Variants in SLC6A2 observed in about 807,000 individuals in gnomAD.
SLC6A2 encodes solute carrier family 6 member 2.
In SLC6A2, 26 loss-of-function variants were observed where a neutral mutation model predicts 71.7. That is an observed-to-expected ratio of 0.36 (90% CI 0.27 to 0.50). The LOEUF is 0.50. Among genes scored for constraint, SLC6A2 ranks in the 20% least tolerant of loss-of-function variants. SLC6A2 has a pLI of 0.96. For missense variants in SLC6A2, 581 were observed against 803.9 expected, an observed-to-expected ratio of 0.72 and a Z score of 3.35; for synonymous variants, 363 against 337.9, an observed-to-expected ratio of 1.07 and a Z score of -0.82.
In SLC6A2 at chr16:55,705,094, T is replaced by C. The variant is rs6499773; in HGVS notation, c.*2748T>C. 6.0e-6 allele frequency: 5 copies of C among 831,274 alleles called. No homozygotes were observed. The highest frequency in any genetic ancestry group is 1.7e-5 in the African/African-American group (1 of 59,288). The allele number at this position is 831,274 out of a possible 1,614,324, so 51.5% of individuals were successfully genotyped here. On this transcript the variant is annotated 3_prime_UTR_variant, in exon 15 of 15. Coordinates refer to ENST00000568943, the MANE Select transcript of SLC6A2 (RefSeq NM_001172501.3). ...ATATGACACTTGACGCTTTTGATAT[T>C]TTTTCAGGTTTTTAAAGAATTATTA...
chr16:55,666,669 C>A (rs1964758800), intron 2 of SLC6A2, among the ~76,000 whole-genome samples: 1 of 152,216 alleles, frequency 6.6e-6, no homozygotes. Context: ...CATCTTCCCT[C>A]CTTTTCTCAT....
At chr16:55,678,295 A>G (rs2142535988) in intron 4 of SLC6A2, among the ~76,000 whole-genome samples, 1 of 149,680 alleles carries the variant, frequency 6.7e-6, no homozygotes, top group East Asian at 2.0e-4. Flanking sequence ...CAGCACTGTC[A>G]TCAGCTGCCT....
At chr16:55,658,113 T>C (rs1426545245) in intron 2 of SLC6A2, among the ~76,000 whole-genome samples, 1 of 152,208 alleles carries the variant, frequency 6.6e-6, no homozygotes, top group Middle Eastern at 3.4e-3. Flanking sequence ...TGGAGCTGGG[T>C]AGAGGGAAAG....
intron 2 of SLC6A2, among the ~76,000 whole-genome samples, chr16:55,661,969 T>C (rs71393091): frequency 0.11 from 16,910 of 151,908 alleles, 1,027 homozygotes; most frequent in Non-Finnish European, 0.12. Context: ...ATATCTGGCC[T>C]GGCTGCAGGG....
intron 4 of SLC6A2, 93 bp from the exon 5 acceptor site, chr16:55,685,050 A>G: frequency 8.1e-7 from 1 of 1,237,972 alleles, no homozygotes; most frequent in South Asian, 1.2e-5. Context: ...TGTCTCCATC[A>G]GCATGCATTT....
chr16:55,672,527 T>A (rs1179967298), intron 4 of SLC6A2, among the ~76,000 whole-genome samples: 1 of 152,090 alleles, frequency 6.6e-6, no homozygotes, highest in Admixed American at 6.5e-5. Flanking sequence ...GAAAAATCAA[T>A]CATGGAGGGA....
intron 5 of SLC6A2, among the ~76,000 whole-genome samples, chr16:55,687,370 T>C (rs1211005965): frequency 1.3e-5 from 2 of 152,204 alleles, no homozygotes; most frequent in East Asian, 3.9e-4. Context: ...AAGTGTGAGA[T>C]GCTGCATTAG....
At chr16:55,667,876 C>T (rs1412746327) in intron 2 of SLC6A2, among the ~76,000 whole-genome samples, 1 of 152,174 alleles carries the variant, frequency 6.6e-6, no homozygotes, top group Non-Finnish European at 1.5e-5. Flanking sequence ...CCAGGCAGAC[C>T]TGGACCCAAA....
In SLC6A2 at chr16:55,685,033, C is replaced by T. The variant is rs1381632562; in HGVS notation, c.645-110C>T. ...GGTCCCTGAGTTAGGGGAGAGTGGC[C>T]AGGTCCTGTCTCCATCAGCATGCAT... On this transcript the variant is annotated intron_variant, in intron 4 of 14. Transcript: ENST00000568943. The T allele has an allele frequency of 1.1e-5, 12 of 1,077,966 alleles. No individual in the cohort carries two copies. In the Admixed American group the frequency reaches 1.9e-4, roughly 17 times the overall value. 66.8% of individuals were successfully genotyped at this position (1,077,966 alleles called of 1,614,324 possible).
intron 8 of SLC6A2, among the ~76,000 whole-genome samples, 170 bp downstream of exon 8, chr16:55,695,572 C>T (rs1419934124): frequency 1.3e-5 from 2 of 152,186 alleles, no homozygotes; most frequent in African/African-American, 4.8e-5. Context: ...GTGGGCATTC[C>T]AGGCAGTCAC....
At chr16:55,657,598 G>T (rs28515627) in intron 2 of SLC6A2, among the ~76,000 whole-genome samples, 1,539 of 152,294 alleles carry the variant, frequency 0.01, 27 homozygotes, top group African/African-American at 0.035. Flanking sequence ...GTGGAATCAG[G>T]CCAGTAGGTG....
intron 2 of SLC6A2, among the ~76,000 whole-genome samples, chr16:55,665,896 C>T (rs1048245307): frequency 1.3e-5 from 2 of 152,200 alleles, no homozygotes; most frequent in Admixed American, 1.3e-4. Flanking sequence ...TAATGCTTTT[C>T]TTACTAAATT....
chr16:55,676,456 C>G (rs1288609092), intron 4 of SLC6A2, among the ~76,000 whole-genome samples: 1 of 152,216 alleles, frequency 6.6e-6, no homozygotes, highest in Admixed American at 6.5e-5. Context: ...ACAACTATTA[C>G]TGCACAGAGC....
At chr16:55,697,364 A>G (rs1965831225) in intron 9 of SLC6A2, among the ~76,000 whole-genome samples, 1 of 152,194 alleles carries the variant, frequency 6.6e-6, no homozygotes, top group Non-Finnish European at 1.5e-5. Flanking sequence ...ATAAGGAAGC[A>G]ATCTGCCCAT....
At chr16:55,700,339 G>A (rs1398133446) in intron 13 of SLC6A2, 33 bp downstream of exon 13, 2 of 1,592,046 alleles carry the variant, frequency 1.3e-6, no homozygotes, top group Admixed American at 1.7e-5. Flanking sequence ...GGAACAGGGT[G>A]GGAGGGGGCT....
chr16:55,703,367 A>T lies in SLC6A2; in HGVS notation c.*1021A>T, dbSNP rs1389019012. On this transcript the variant is annotated 3_prime_UTR_variant, in exon 15 of 15. Coordinates refer to ENST00000568943, the MANE Select transcript of SLC6A2 (RefSeq NM_001172501.3). The stretch of plus-strand genomic sequence containing the variant: ...ACACCTGCACAGCCTCCCTCTGGGG[A>T]TCCCACCTGGAGTGGACCAGGGGTC... 69 of 985,274 alleles carry T rather than the reference A, an allele frequency of 7.0e-5. No homozygotes were observed. The highest frequency in any genetic ancestry group is 8.0e-5 in the Non-Finnish European group (66 of 829,938). 61.0% of individuals were successfully genotyped at this position (985,274 alleles called of 1,614,324 possible).
chr16:55,693,298 G>C (rs2142591987), intron 6 of SLC6A2, among the ~76,000 whole-genome samples: 1 of 152,148 alleles, frequency 6.6e-6, no homozygotes, highest in African/African-American at 2.4e-5. Context: ...TGAACCCAGG[G>C]AGTGGAGGTT....
At chr16:55,681,327 G>T (rs1042995662) in intron 4 of SLC6A2, among the ~76,000 whole-genome samples, 1 of 152,202 alleles carries the variant, frequency 6.6e-6, no homozygotes, top group South Asian at 2.1e-4. Context: ...TCCCCAGGGG[G>T]CTGGAGCCAT....
At position 55,702,468 on chromosome 16, in the gene SLC6A2, T is replaced by C. The variant is rs75770828; in HGVS notation, c.*122T>C. 231 of 1,583,514 alleles carry C rather than the reference T, an allele frequency of 1.5e-4. 1 individual carries two copies. The African/African-American group carries it at 2.8e-3, about 20-fold the overall frequency. On this transcript the variant is annotated 3_prime_UTR_variant, in exon 15 of 15. Transcript: ENST00000568943. Reference sequence around the variant, plus strand: ...CTGGAAGTTGTCCTTTCTGATCCTCTCTTCTTTTCCCATTTACAAATGATT... The same window carrying C: ...CTGGAAGTTGTCCTTTCTGATCCTCCCTTCTTTTCCCATTTACAAATGATT...
Sources: gnomAD v4.1 joint callset for allele counts (sites outside exome capture counted in the v4.1 genomes callset) on GRCh38, gnomAD v4.1.1 for gene constraint, MANE v1.5 for transcripts, NCBI Gene and HGNC (gene_info 2026-07-23, HGNC 2026-07-21) for gene names.